Variants in RNF217 observed in about 807,000 individuals in gnomAD.
The protein encoded by RNF217 is E3 ubiquitin-protein ligase RNF217.
A neutral mutation model predicts 57.8 loss-of-function variants in RNF217; 31 were observed. The observed-to-expected ratio is 0.54, with a 90% CI of 0.40 to 0.72. The LOEUF is 0.72. RNF217 is among the 30% of genes least tolerant of loss of function. The pLI is 0.00. For missense variants in RNF217, 696 were observed against 708.3 expected (o/e 0.98, Z 0.20); for synonymous variants, 313 against 294.0 (o/e 1.06, Z -0.66).
intron 1 of RNF217, among the ~76,000 whole-genome samples, chr6:125,013,074 A>C (rs143655418): frequency 2.0e-4 from 30 of 152,272 alleles, no homozygotes; most frequent in African/African-American, 6.7e-4. Context: ...AATAATTGAC[A>C]TTTAGTTCTG....
chr6:125,070,326 A>G (rs1348737530), intron 3 of RNF217, among the ~76,000 whole-genome samples: 1 of 152,148 alleles, frequency 6.6e-6, no homozygotes, highest in African/African-American at 2.4e-5. Context: ...GTGCGTGCAC[A>G]TGTATTTTTC....
intron 3 of RNF217, among the ~76,000 whole-genome samples, chr6:125,061,830 G>A (rs1466367544): frequency 1.3e-5 from 2 of 151,594 alleles, no homozygotes; most frequent in Admixed American, 6.6e-5. Context: ...TCAGAAGTTT[G>A]ATTAAAAGTT....
chr6:124,983,702 A>T (rs533205405), intron 1 of RNF217, among the ~76,000 whole-genome samples: 37 of 152,308 alleles, frequency 2.4e-4, no homozygotes, highest in Non-Finnish European at 4.0e-4. Context: ...TTACTGGCTC[A>T]GTAGGAAGAG....
At chr6:125,061,261 G>A (rs925682623) in intron 3 of RNF217, among the ~76,000 whole-genome samples, 1 of 151,934 alleles carries the variant, frequency 6.6e-6, no homozygotes, top group Non-Finnish European at 1.5e-5. Context: ...CTTTCTAAAA[G>A]GAATGAATCA....
chr6:124,997,002 G>T (rs1454717797), intron 1 of RNF217, among the ~76,000 whole-genome samples: 1 of 152,112 alleles, frequency 6.6e-6, no homozygotes, highest in African/African-American at 2.4e-5. Context: ...ACACAGACTT[G>T]TTTGTAGCAC....
At chr6:124,972,590 T>C (rs954716372) in intron 1 of RNF217, among the ~76,000 whole-genome samples, 2 of 152,324 alleles carry the variant, frequency 1.3e-5, no homozygotes, top group African/African-American at 4.8e-5. Context: ...CCACTACACC[T>C]ATAGAGATAT....
At chr6:124,983,470 A>G (rs1784250419) in intron 1 of RNF217, 2 of 984,910 alleles carry the variant, frequency 2.0e-6, no homozygotes, top group Non-Finnish European at 2.4e-6. Context: ...TAGTGGATTT[A>G]TGTCCTCACT....
chr6:124,999,608 G>C (rs1784893518), intron 1 of RNF217, among the ~76,000 whole-genome samples: 1 of 152,042 alleles, frequency 6.6e-6, no homozygotes, highest in African/African-American at 2.4e-5. Flanking sequence ...ATCTATCTGT[G>C]CCACATTTGC....
chr6:125,042,568 G>C (rs1031608322), intron 1 of RNF217, among the ~76,000 whole-genome samples: 1 of 152,044 alleles, frequency 6.6e-6, no homozygotes, highest in Non-Finnish European at 1.5e-5. Context: ...GAAAGCAAGA[G>C]GAAGTAATAT....
intron 1 of RNF217, chr6:124,983,614 C>T (rs941940189): frequency 2.3e-5 from 10 of 438,860 alleles, no homozygotes; most frequent in African/African-American, 6.4e-5. Flanking sequence ...AGATACCTAA[C>T]GATGTTTTCA....
At chr6:125,025,454 T>G (rs533952548) in intron 1 of RNF217, among the ~76,000 whole-genome samples, 3 of 150,230 alleles carry the variant, frequency 2.0e-5, no homozygotes, top group Non-Finnish European at 4.5e-5. Context: ...GGAGGTGAGA[T>G]TCCTGACAAG....
intron 4 of RNF217, among the ~76,000 whole-genome samples, chr6:125,079,297 C>A (rs1307144344): frequency 6.6e-6 from 1 of 152,068 alleles, no homozygotes; most frequent in East Asian, 1.9e-4. Context: ...ATTTTAAATT[C>A]TCATATTACT....
chr6:124,971,908 A>G (rs550161871), intron 1 of RNF217, among the ~76,000 whole-genome samples: 7 of 152,220 alleles, frequency 4.6e-5, no homozygotes, highest in African/African-American at 1.4e-4. Context: ...CACTTTGTAT[A>G]CTGTTAGTGG....
chr6:124,986,178 G>C (rs1427780007), intron 1 of RNF217, among the ~76,000 whole-genome samples: 1 of 152,174 alleles, frequency 6.6e-6, no homozygotes, highest in Admixed American at 6.5e-5. Flanking sequence ...TAATGCATTT[G>C]TTTTCTCTGC....
In RNF217 at chr6:125,031,943, C is replaced by T. The variant is rs142154642; in HGVS notation, c.883-13268C>T. Among the ~76,000 whole-genome samples, 274 of 152,194 alleles carry T rather than the reference C, an allele frequency of 1.8e-3. 1 individual carries two copies. The highest frequency in any genetic ancestry group is 6.3e-3 in the African/African-American group (261 of 41,522). ...AGAGGTTTAATTGGACTTACAGTTCCGCATGTCTGGGGAGGCCTCAGAATC... is the reference window on the plus strand; with the variant it reads ...AGAGGTTTAATTGGACTTACAGTTCTGCATGTCTGGGGAGGCCTCAGAATC... On this transcript the variant is annotated intron_variant, in intron 1 of 5. Coordinates refer to ENST00000521654, the MANE Select transcript of RNF217 (RefSeq NM_001286398.3).
intron 2 of RNF217, chr6:125,046,489 T>A: frequency 4.6e-6 from 2 of 433,354 alleles, no homozygotes; most frequent in Non-Finnish European, 9.3e-6. Flanking sequence ...CCCAGAACAA[T>A]TGTCTTCCAA....
At chr6:125,051,781 T>A (rs192388388) in intron 2 of RNF217, among the ~76,000 whole-genome samples, 1 of 152,196 alleles carries the variant, frequency 6.6e-6, no homozygotes, top group East Asian at 1.9e-4. Context: ...TGAGCTGTTA[T>A]CCTGATTCTG....
intron 4 of RNF217, 34 bp from the exon 5 acceptor site, chr6:125,081,402 G>C (rs767761318): frequency 6.5e-7 from 1 of 1,542,088 alleles, no homozygotes; most frequent in Non-Finnish European, 8.9e-7. Context: ...TTAGTTTTAA[G>C]ACTCCTTAAA....
chr6:125,027,353 G>A (rs530609154), intron 1 of RNF217, among the ~76,000 whole-genome samples: 48 of 152,034 alleles, frequency 3.2e-4, no homozygotes, highest in Non-Finnish European at 6.2e-4. Flanking sequence ...CTCTATGTCC[G>A]TGAGTTCAAT....
Sources: allele counts gnomAD v4.1 joint callset (sites outside exome capture counted in the v4.1 genomes callset), GRCh38; gene constraint gnomAD v4.1.1; transcripts MANE v1.5; gene names NCBI Gene and HGNC (gene_info 2026-07-23, HGNC 2026-07-21).